ZNF875: variants seen among roughly 807,000 people sequenced by gnomAD.
The protein encoded by ZNF875 is HKR1, GLI-Kruppel zinc finger family member.
In ZNF875, 14 loss-of-function variants were observed where a neutral mutation model predicts 11.2. That is an observed-to-expected ratio of 1.26 (90% CI 0.83 to 1.96). The LOEUF is 1.96. ZNF875 is among the 30% of genes most tolerant of loss of function. ZNF875 has a pLI of 0.00. For missense variants in ZNF875, 752 were observed against 760.4 expected (o/e 0.99, Z 0.13); for synonymous variants, 301 against 281.1 (o/e 1.07, Z -0.71).
intron 1 of ZNF875, among the ~76,000 whole-genome samples, chr19:37,319,764 C>T (rs145165380): frequency 1.3e-5 from 2 of 152,300 alleles, no homozygotes; most frequent in African/African-American, 4.8e-5. Flanking sequence ...TCCCTCTGAC[C>T]TCCCTGCTGA....
At chr19:37,337,169 A>G (rs2145963832) in intron 2 of ZNF875, 1 of 151,240 alleles carries the variant, frequency 6.6e-6, no homozygotes, top group East Asian at 2.0e-4. Flanking sequence ...TCAGAGTATC[A>G]GCTGCACTTT....
At chr19:37,316,076 G>A (rs570644792), upstream of ZNF875, among the ~76,000 whole-genome samples, 1 of 152,286 alleles carries the variant, frequency 6.6e-6, no homozygotes, top group Admixed American at 6.5e-5. Context: ...TAAAGGGTTA[G>A]TGGAAACTGT....
chr19:37,314,257 A>G (rs1599836073), upstream of ZNF875, among the ~76,000 whole-genome samples: 1 of 152,090 alleles, frequency 6.6e-6, no homozygotes, highest in South Asian at 2.1e-4. Context: ...GACCACAGGC[A>G]TGCACCAATA....
chr19:37,327,813 T>C (rs970352956), intron 4 of ZNF875, among the ~76,000 whole-genome samples: 1 of 152,084 alleles, frequency 6.6e-6, no homozygotes, highest in Non-Finnish European at 1.5e-5. Context: ...AAAATTTATT[T>C]TTACAAATTT....
At chr19:37,352,882 T>C (rs1300266123) in intron 4 of ZNF875, among the ~76,000 whole-genome samples, 3 of 146,998 alleles carry the variant, frequency 2.0e-5, no homozygotes, top group Non-Finnish European at 3.0e-5. Flanking sequence ...TTCTTTTTTT[T>C]TTTTTTTTTT....
At chr19:37,315,560 T>C (rs542274496), upstream of ZNF875, 39 of 152,196 alleles carry the variant, frequency 2.6e-4, no homozygotes, top group East Asian at 9.7e-4. Context: ...ATGGAAAATT[T>C]AAAATGTTCC....
Position 37,363,287 on chromosome 19 carries a change from G to C in ZNF875, c.1435G>C (p.Val479Leu), listed in dbSNP as rs1568673958. The change falls in exon 5 of 5, where the codon GTA becomes CTA. Residue 479 changes from valine (V) to leucine (L), a missense_variant. By Grantham distance (32) the Val-to-Leu change is conservative. Transcript: ENST00000392153. ...QRSHTGEKPF[V>L]CTECGRGFTR... ...GTCACACACGGGGGAGAAGCCATTT[G>C]TATGTACGGAGTGTGGGCGAGGCTT... 6.2e-7 allele frequency: 1 copy of C among 1,613,608 alleles called. No homozygotes were observed. The highest frequency in any genetic ancestry group is 8.5e-7 in the Non-Finnish European group (1 of 1,179,654).
At chr19:37,323,822 A>G (rs10415024) in intron 3 of ZNF875, among the ~76,000 whole-genome samples, 33,504 of 152,130 alleles carry the variant, frequency 0.22, 4,095 homozygotes, top group African/African-American at 0.32. Context: ...TGAAGTGCCC[A>G]TGAACAGAGG....
chr19:37,322,940 C>T (rs1200432398), intron 2 of ZNF875, among the ~76,000 whole-genome samples: 2 of 152,098 alleles, frequency 1.3e-5, no homozygotes, highest in Non-Finnish European at 2.9e-5. Context: ...CCCACCTCCA[C>T]GAAAATCTGG....
intron 1 of ZNF875, among the ~76,000 whole-genome samples, chr19:37,319,344 C>CATAT (rs146774743): frequency 0.13 from 14,594 of 112,024 alleles, 1,293 homozygotes; most frequent in Middle Eastern, 0.14. Context: ...CTGCAGCCGG[C>CATAT]ATATATATAT....
chr19:37,344,469 C>T (rs188683686), intron 2 of ZNF875: 29 of 507,090 alleles, frequency 5.7e-5, no homozygotes, highest in Non-Finnish European at 9.4e-5. Context: ...GTAATCTGTG[C>T]CCATGTTTCT....
At chr19:37,355,003 G>A (rs1271956698) in intron 4 of ZNF875, among the ~76,000 whole-genome samples, 1 of 152,002 alleles carries the variant, frequency 6.6e-6, no homozygotes, top group Non-Finnish European at 1.5e-5. Flanking sequence ...AAGACATATG[G>A]CATATATGTT....
chr19:37,330,733 T>A (rs1568571535), upstream of ZNF875, among the ~76,000 whole-genome samples: 1 of 152,190 alleles, frequency 6.6e-6, no homozygotes, highest in Non-Finnish European at 1.5e-5. Context: ...TTAAAATTAA[T>A]CTTTAATAAC....
At chr19:37,350,878 C>T (rs994718426) in intron 4 of ZNF875, among the ~76,000 whole-genome samples, 1 of 144,686 alleles carries the variant, frequency 6.9e-6, no homozygotes, top group Non-Finnish European at 1.5e-5. Context: ...AATCCCAGCT[C>T]ACTGCAACCT....
chr19:37,356,559 T>A (rs182730426), intron 4 of ZNF875, among the ~76,000 whole-genome samples: 257 of 152,312 alleles, frequency 1.7e-3, no homozygotes, highest in Non-Finnish European at 3.2e-3. Flanking sequence ...TGGTTGTAAT[T>A]TGTATTTCTC....
rs571158868 is a variant in ZNF875, at chr19:37,320,917, A to ACC, written c.-746-1264_-746-1263dup. On this transcript the variant is annotated intron_variant, in intron 1 of 5. Coordinates refer to the ZNF875 transcript ENST00000544914. Reference sequence around the variant, plus strand: ...TGAGATGCTGTTAATCTGTAACCCTACCCCCAACCCTGTGCTCACAGAAAC... The same window carrying ACC: ...TGAGATGCTGTTAATCTGTAACCCTACCCCCCCAACCCTGTGCTCACAGAAAC... Among the ~76,000 whole-genome samples, 72 of 152,202 alleles carry ACC rather than the reference A, an allele frequency of 4.7e-4. 1 individual carries two copies. The highest frequency in any genetic ancestry group is 1.4e-3 in the African/African-American group (59 of 41,530).
chr19:37,360,236 AT>A (rs1425094912), intron 4 of ZNF875, among the ~76,000 whole-genome samples: 1 of 152,186 alleles, frequency 6.6e-6, no homozygotes, highest in African/African-American at 2.4e-5. Flanking sequence ...CTGACTGTGA[AT>A]CTAAGTGTTC....
chr19:37,358,055 G>A, intron 4 of ZNF875: 1 of 388,466 alleles, frequency 2.6e-6, no homozygotes. Context: ...TTCCTTTGAT[G>A]CCTAGTTTGT....
chr19:37,324,021 A>C (rs1198203510), intron 3 of ZNF875, among the ~76,000 whole-genome samples: 1 of 152,238 alleles, frequency 6.6e-6, no homozygotes, highest in Non-Finnish European at 1.5e-5. Context: ...ATTAGAGCCA[A>C]TGATCCTAAC....
Sources: allele counts gnomAD v4.1 joint callset (sites outside exome capture counted in the v4.1 genomes callset), GRCh38; gene constraint gnomAD v4.1.1; transcripts MANE v1.5; gene names NCBI Gene and HGNC (gene_info 2026-07-23, HGNC 2026-07-21).